The following BRAF variants were observed in gnomAD, a reference collection of about 807,000 sequenced individuals.
The protein encoded by BRAF is serine/threonine-protein kinase B-raf.
BRAF carries 16 observed loss-of-function variants against 104.6 expected under a neutral mutation model. That is an observed-to-expected ratio of 0.15 (90% CI 0.10 to 0.23). The LOEUF (loss-of-function observed/expected upper bound fraction) is 0.23. Ranked by LOEUF, BRAF falls within the 10% of genes least tolerant of loss-of-function variation. The pLI is 1.00. For missense variants in BRAF, 541 were observed against 937.3 expected (o/e 0.58, Z 5.52); for synonymous variants, 310 against 341.6 (o/e 0.91, Z 1.02).
chr7:140,825,063 C>T (rs1586301086), intron 3 of BRAF, among the ~76,000 whole-genome samples: 2 of 151,706 alleles, frequency 1.3e-5, no homozygotes, highest in Admixed American at 6.6e-5. Context: ...CTCTGCCTCC[C>T]GAGCTCAAGC....
At chr7:140,748,847 A>G (rs1797559660) in intron 17 of BRAF, 2 of 158,468 alleles carry the variant, frequency 1.3e-5, no homozygotes, top group Non-Finnish European at 2.8e-5. Context: ...GATTTCTTCC[A>G]TTTACCTAGT....
intron 3 of BRAF, among the ~76,000 whole-genome samples, chr7:140,832,251 T>C (rs1562983916): frequency 2.0e-5 from 3 of 152,212 alleles, no homozygotes; most frequent in Admixed American, 2.0e-4. Flanking sequence ...TTGATTTCAT[T>C]TGCTGCTAGT....
At chr7:140,766,056 TC>T (rs1255126529) in intron 14 of BRAF, among the ~76,000 whole-genome samples, 1 of 151,852 alleles carries the variant, frequency 6.6e-6, no homozygotes, top group Non-Finnish European at 1.5e-5. Context: ...AACCCAAATG[TC>T]CAACAATGAT....
chr7:140,719,291 T>C (rs1795210529), downstream of BRAF: 3 of 857,472 alleles, frequency 3.5e-6, no homozygotes, highest in Non-Finnish European at 4.3e-6. Flanking sequence ...ACTACTTTTG[T>C]TACTGAATGT....
intron 11 of BRAF, 24 bp from the exon 11 acceptor site, chr7:140,781,717 C>G (rs1259535757): frequency 6.3e-7 from 1 of 1,581,792 alleles, no homozygotes. Flanking sequence ...GTAAAAAAGT[C>G]AAGTCAAGCC....
chr7:140,833,401 A>G (rs1234815929), intron 3 of BRAF, among the ~76,000 whole-genome samples: 1 of 152,184 alleles, frequency 6.6e-6, no homozygotes. Flanking sequence ...TTTAAGATCT[A>G]CTGGGGATGG....
In BRAF at chr7:140,768,620, A is replaced by C. The variant is rs1319069630; in HGVS notation, c.1814+8292T>G. On this transcript the variant is annotated intron_variant, in intron 14 of 19. Coordinates refer to ENST00000644969, the MANE Select transcript of BRAF (RefSeq NM_001374258.1). ...GTGATCCTCCTGCCTCAGCCTCCAG[A>C]GTATCTGGGGCTACAGGAGTGTGCT... is the stretch of plus-strand genomic sequence containing the variant. Among the ~76,000 whole-genome samples the C allele has an allele frequency of 1.1e-4, 16 of 152,166 alleles. 1 individual carries two copies.
chr7:140,833,075 CGT>C (rs1327137914), intron 3 of BRAF, among the ~76,000 whole-genome samples: 1 of 151,892 alleles, frequency 6.6e-6, no homozygotes, highest in Non-Finnish European at 1.5e-5. Flanking sequence ...AAGGTTTCAC[CGT>C]GTGTTAGCCA....
chr7:140,897,835 A>AAAAT (rs1322778785), intron 1 of BRAF, among the ~76,000 whole-genome samples: 4 of 152,046 alleles, frequency 2.6e-5, no homozygotes, highest in Non-Finnish European at 5.9e-5. Flanking sequence ...AATCAAAATC[A>AAAAT]AAATAAATAA....
intron 1 of BRAF, among the ~76,000 whole-genome samples, chr7:140,902,920 CTTTT>C (rs111746402): frequency 1.6e-5 from 2 of 125,534 alleles, no homozygotes; most frequent in Non-Finnish European, 3.3e-5. Flanking sequence ...GACAGGATGA[CTTTT>C]TTTTTTTTTT....
chr7:140,737,588 T>C (rs1418996647), intron 18 of BRAF, among the ~76,000 whole-genome samples: 1 of 152,216 alleles, frequency 6.6e-6, no homozygotes, highest in East Asian at 1.9e-4. Context: ...ACAATTATTC[T>C]TTTTATCTTT....
At chr7:140,894,717 T>C (rs1281227401) in intron 1 of BRAF, among the ~76,000 whole-genome samples, 2 of 151,648 alleles carry the variant, frequency 1.3e-5, no homozygotes, top group African/African-American at 2.4e-5. Context: ...CAAAGAAAAA[T>C]ATAATTAATA....
chr7:140,822,674 C>T (rs2129055323), intron 3 of BRAF, among the ~76,000 whole-genome samples: 1 of 152,310 alleles, frequency 6.6e-6, no homozygotes, highest in African/African-American at 2.4e-5. Context: ...AACCATTCAC[C>T]TGTTTATGGA....
intron 14 of BRAF, among the ~76,000 whole-genome samples, chr7:140,761,469 A>C (rs1188271844): frequency 6.6e-6 from 1 of 152,144 alleles, no homozygotes; most frequent in Non-Finnish European, 1.5e-5. Flanking sequence ...ACTAGGAAGA[A>C]ACTGCATCAA....
At chr7:140,832,052 A>G (rs1806819518) in intron 3 of BRAF, among the ~76,000 whole-genome samples, 1 of 152,196 alleles carries the variant, frequency 6.6e-6, no homozygotes. Flanking sequence ...TCCATCTTCC[A>G]GGAATTCTTA....
chr7:140,811,691 A>T (rs1307398384), intron 3 of BRAF, among the ~76,000 whole-genome samples: 1 of 152,212 alleles, frequency 6.6e-6, no homozygotes, highest in Non-Finnish European at 1.5e-5. Context: ...AGATGTACAA[A>T]AAATTTAGTT....
At chr7:140,902,440 A>G (rs1453656019) in intron 1 of BRAF, among the ~76,000 whole-genome samples, 5 of 152,190 alleles carry the variant, frequency 3.3e-5, no homozygotes, top group African/African-American at 1.2e-4. Flanking sequence ...TAAAAACCCT[A>G]CAATGACTTC....
intron 2 of BRAF, among the ~76,000 whole-genome samples, chr7:140,842,305 T>C (rs1194476445): frequency 6.6e-6 from 1 of 152,212 alleles, no homozygotes; most frequent in Admixed American, 6.5e-5. Context: ...GCTTCATTTA[T>C]AAAATGAAAA....
Position 140,721,108 on chromosome 7 carries a change from C to T in BRAF, c.*5386G>A, listed in dbSNP as rs10227986. The stretch of plus-strand genomic sequence containing the variant: ...AATGCACCTCTAAAAAATGGATACA[C>T]TGGCTTACATTGGCTGTGTCCTCAT... On this transcript the variant is annotated 3_prime_UTR_variant, in exon 20 of 20. Coordinates refer to ENST00000644969, the MANE Select transcript of BRAF (RefSeq NM_001374258.1). 1.9e-3 allele frequency: 2,064 copies of T among 1,064,788 alleles called. 36 individuals carry two copies. The African/African-American group carries it at 0.03, about 15-fold the overall frequency. The allele number at this position is 1,064,788 out of a possible 1,614,324, so 66.0% of individuals were successfully genotyped here. A position where few individuals can be genotyped will look rare whatever the true frequency, so the allele number is the denominator to read the frequency against.
Sources: gnomAD v4.1 joint callset for allele counts (sites outside exome capture counted in the v4.1 genomes callset) on GRCh38, gnomAD v4.1.1 for gene constraint, MANE v1.5 for transcripts, NCBI Gene and HGNC (gene_info 2026-07-23, HGNC 2026-07-21) for gene names.